PCDHA4: variants seen among roughly 807,000 people sequenced by gnomAD.
PCDHA4 encodes the protein protocadherin alpha 4.
Under a neutral mutation model 61.4 loss-of-function variants are expected in PCDHA4, and 49 were observed. The ratio of observed to expected loss-of-function variants is 0.80; its 90% confidence interval spans 0.63 to 1.01. PCDHA4 has a LOEUF of 1.01. PCDHA4 is among the 50% of genes least tolerant of loss of function. PCDHA4 has a pLI of 0.00. For missense variants in PCDHA4, 1,254 were observed against 1,235.8 expected (o/e 1.01, Z -0.22); for synonymous variants, 590 against 550.3 (o/e 1.07, Z -1.01).
At chr5:140,883,459 G>A in intron 1 of PCDHA4, 1 of 1,614,132 alleles carries the variant, frequency 6.2e-7, no homozygotes, top group Non-Finnish European at 8.5e-7. Context: ...CCTTCAAGCT[G>A]GTGTCCACCT....
intron 1 of PCDHA4, among the ~76,000 whole-genome samples, chr5:140,885,980 C>T (rs888571995): frequency 6.6e-6 from 1 of 151,942 alleles, no homozygotes; most frequent in African/African-American, 2.4e-5. Flanking sequence ...ATTATAGATT[C>T]GCATGTGGTT....
chr5:140,841,877 A>T, intron 1 of PCDHA4: 1 of 1,613,820 alleles, frequency 6.2e-7, no homozygotes, highest in Non-Finnish European at 8.5e-7. Flanking sequence ...GAATTCAAAG[A>T]ACGATGAGAA....
intron 1 of PCDHA4, among the ~76,000 whole-genome samples, chr5:140,973,039 C>T (rs782146596): frequency 1.3e-5 from 2 of 152,040 alleles, no homozygotes; most frequent in Non-Finnish European, 2.9e-5. Flanking sequence ...ACTTTGAGTA[C>T]TCTAGTAGAT....
chr5:140,967,762 G>A, intron 1 of PCDHA4: 1 of 1,614,216 alleles, frequency 6.2e-7, no homozygotes, highest in Non-Finnish European at 8.5e-7. Flanking sequence ...CCTCCTACCA[G>A]ATCTATGTGC....
At chr5:140,984,973 T>C (rs1397062066) in intron 3 of PCDHA4, among the ~76,000 whole-genome samples, 1 of 152,150 alleles carries the variant, frequency 6.6e-6, no homozygotes, top group Non-Finnish European at 1.5e-5. Context: ...AGTCTCGCTC[T>C]GTCCCCCAGG....
chr5:140,841,768 C>T (rs2150322349), intron 1 of PCDHA4: 2 of 1,613,936 alleles, frequency 1.2e-6, no homozygotes, highest in East Asian at 2.2e-5. Context: ...GAATGCCAGA[C>T]TCTCGGTTTC....
chr5:140,998,240 A>G (rs2097802500), intron 3 of PCDHA4, among the ~76,000 whole-genome samples: 1 of 152,188 alleles, frequency 6.6e-6, no homozygotes, highest in Non-Finnish European at 1.5e-5. Context: ...GTGCATTATT[A>G]TACTCATTTT....
intron 1 of PCDHA4, among the ~76,000 whole-genome samples, chr5:140,897,618 T>C: frequency 6.6e-6 from 1 of 152,172 alleles, no homozygotes; most frequent in Non-Finnish European, 1.5e-5. Flanking sequence ...TTCCAAGTCT[T>C]TACTATTGTG....
chr5:140,966,938 G>A (rs1159097726), intron 1 of PCDHA4: 1 of 1,604,146 alleles, frequency 6.2e-7, no homozygotes, highest in African/African-American at 1.3e-5. Context: ...CGGCGCGCTC[G>A]TGGGCAACGT....
chr5:140,921,151 A>AT (rs11299094), intron 1 of PCDHA4, among the ~76,000 whole-genome samples: 2 of 151,512 alleles, frequency 1.3e-5, no homozygotes. Context: ...CAGCTAATGC[A>AT]TTTTTTTTTT....
In PCDHA4 at chr5:140,855,439, C is replaced by A. The variant is rs190954774; in HGVS notation, c.2385+45867C>A. On this transcript the variant is annotated intron_variant, in intron 1 of 3. Coordinates refer to ENST00000530339, the MANE Select transcript of PCDHA4 (RefSeq NM_018907.4). ...CTCTAAATTCTAGTGATGACTAGAT[C>A]TTCGGAGTTATAAACACCTCACAGA... Among the ~76,000 whole-genome samples the A allele has an allele frequency of 4.7e-5, 7 of 149,934 alleles. 1 individual carries two copies. The Admixed American group carries it at 4.7e-4, about 10-fold the overall frequency.
rs2150345601 is a variant in PCDHA4 at position 140,842,829 on chromosome 5, C to G, written c.2385+33257C>G. Reference sequence around the variant, plus strand: ...GTGGAGCGGCGGGTGGGCGAGCGCTCGCTGTCGAGCTACATTTCGGTGCAC... The same window carrying G: ...GTGGAGCGGCGGGTGGGCGAGCGCTGGCTGTCGAGCTACATTTCGGTGCAC... On this transcript the variant is annotated intron_variant, in intron 1 of 3. Coordinates refer to ENST00000530339, the MANE Select transcript of PCDHA4 (RefSeq NM_018907.4). The G allele has an allele frequency of 8.8e-6, 14 of 1,593,636 alleles. 2 individuals are homozygous for G. The highest frequency in any genetic ancestry group is 1.1e-5 in the South Asian group (1 of 90,422).
intron 1 of PCDHA4, chr5:140,841,578 T>C: frequency 1.2e-6 from 2 of 1,614,008 alleles, no homozygotes; most frequent in Non-Finnish European, 1.7e-6. Flanking sequence ...ATTTTGTTTG[T>C]GAATTCTCGG....
At position 141,009,773 on chromosome 5, in the gene PCDHA4, A is replaced by C. The variant is rs782087059; in HGVS notation, c.2680A>C (p.Ile894Leu). ...KFIIPGSPAI[I>L]SIRQEPTNSQ... is the part of the protein sequence containing the mutation. ...CATTATCCCAGGATCTCCTGCAATC[A>C]TCTCCATCCGGCAGGAGCCTACTAA... Residue 894 changes from isoleucine to leucine, a missense_variant, in exon 4 of 4, where the codon ATC becomes CTC. Physicochemically the swap from Ile to Leu is conservative, Grantham distance 5. Transcript: ENST00000530339. 1 of 1,614,128 alleles carries C rather than the reference A, an allele frequency of 6.2e-7. No individual in the cohort carries two copies. Among genetic ancestry groups the C allele is most frequent in the East Asian group, 2.2e-5 (1 of 44,878 alleles).
intron 1 of PCDHA4, chr5:140,853,353 C>T: frequency 1.0e-6 from 1 of 981,690 alleles, no homozygotes; most frequent in Non-Finnish European, 1.2e-6. Context: ...AACATGAACT[C>T]ACAGGGATCC....
chr5:140,817,900 A>T (rs1254182775), intron 1 of PCDHA4, among the ~76,000 whole-genome samples: 2 of 152,198 alleles, frequency 1.3e-5, no homozygotes, highest in Non-Finnish European at 2.9e-5. Context: ...CACTTTTAAG[A>T]TGACATTCCA....
chr5:140,873,246 T>C (rs1554166632), intron 1 of PCDHA4, among the ~76,000 whole-genome samples: 1 of 152,142 alleles, frequency 6.6e-6, no homozygotes, highest in African/African-American at 2.4e-5. Flanking sequence ...ATATAAAATA[T>C]TTCAGACTCA....
At chr5:140,868,963 A>G in intron 1 of PCDHA4, 2 of 1,423,054 alleles carry the variant, frequency 1.4e-6, no homozygotes, top group Non-Finnish European at 1.9e-6. Context: ...TCCCATACAA[A>G]GGAACTCCAT....
chr5:140,943,751 T>C (rs947548745), intron 1 of PCDHA4, among the ~76,000 whole-genome samples: 1 of 152,048 alleles, frequency 6.6e-6, no homozygotes, highest in South Asian at 2.1e-4. Flanking sequence ...CTAAAAGCAG[T>C]AGGAGATGTA....
Sources: allele counts gnomAD v4.1 joint callset (sites outside exome capture counted in the v4.1 genomes callset), GRCh38; gene constraint gnomAD v4.1.1; transcripts MANE v1.5; gene names NCBI Gene and HGNC (gene_info 2026-07-23, HGNC 2026-07-21).